The following TCF3 variants were observed in gnomAD, a reference collection of about 807,000 sequenced individuals.
TCF3 encodes the protein transcription factor 3.
TCF3 carries 54 observed loss-of-function variants against 72.3 expected under a neutral mutation model. That is an observed-to-expected ratio of 0.75 (90% CI 0.60 to 0.94). TCF3 has a LOEUF of 0.94. Among genes scored for constraint, TCF3 ranks in the 40% least tolerant of loss-of-function variants. The pLI is 0.00. For missense variants in TCF3, 1,078 were observed against 934.4 expected (o/e 1.15, Z -2.00); for synonymous variants, 525 against 412.6 (o/e 1.27, Z -3.30).
In TCF3 at chr19:1,615,841, AG is replaced by A. The variant is rs1380770902; in HGVS notation, c.1451-21del. On this transcript the variant is annotated intron_variant, in intron 16 of 18. Transcript: ENST00000262965. The surrounding 1 kb of genome is among the most constrained non-coding windows in gnomAD (Gnocchi z 7.3). ...CTAGCCCTGCAACAGGCCTAGGGTC[AG>A]GGGCCTGCGTCGGCCTCCAGGGCCA... 1 of 1,522,050 alleles carries A rather than the reference AG, an allele frequency of 6.6e-7. No individual in the cohort carries two copies. Among genetic ancestry groups the A allele is most frequent in the African/African-American group, 1.4e-5 (1 of 72,336 alleles). 94.3% of individuals were successfully genotyped at this position (1,522,050 alleles called of 1,614,324 possible).
chr19:1,625,887 G>T (rs2062819958), intron 6 of TCF3, among the ~76,000 whole-genome samples, 179 bp from the exon 7 acceptor site: 2 of 152,202 alleles, frequency 1.3e-5, no homozygotes, highest in Non-Finnish European at 2.9e-5. Flanking sequence ...ACTTGAGACT[G>T]ACCGCATCCC....
chr19:1,646,247 C>T, intron 3 of TCF3, 108 bp downstream of exon 3: 1 of 1,221,676 alleles, frequency 8.2e-7, no homozygotes, highest in Non-Finnish European at 1.2e-6. Flanking sequence ...GGCCCTTTCC[C>T]CATTGTCTCC....
chr19:1,612,469 G>C (rs539055629), intron 18 of TCF3: 3 of 1,282,454 alleles, frequency 2.3e-6, no homozygotes, highest in Non-Finnish European at 3.3e-6. Context: ...TTAGTGATGC[G>C]CCAAGGCTGG....
At chr19:1,627,519 AG>A in intron 5 of TCF3, 93 bp from the exon 6 acceptor site, 3 of 1,156,556 alleles carry the variant, frequency 2.6e-6, no homozygotes, top group Non-Finnish European at 3.8e-6. Flanking sequence ...ATAGGCTCTC[AG>A]TAAGTGCACA....
At chr19:1,649,955 T>C (rs572129715) in intron 2 of TCF3, among the ~76,000 whole-genome samples, 1 of 152,216 alleles carries the variant, frequency 6.6e-6, no homozygotes, top group Non-Finnish European at 1.5e-5. Context: ...CAGTAGGCTG[T>C]AGAATGCTGC....
At chr19:1,650,335 G>C in intron 1 of TCF3, 48 bp from the exon 2 acceptor site, 1 of 1,380,384 alleles carries the variant, frequency 7.2e-7, no homozygotes, top group Non-Finnish European at 9.9e-7. Context: ...ACAGGGAGGG[G>C]AGAAGAGTTG....
At chr19:1,611,883 G>C (rs769921951) in intron 18 of TCF3, 34 bp from the exon 19 acceptor site, 6 of 1,411,764 alleles carry the variant, frequency 4.2e-6, no homozygotes, top group Middle Eastern at 2.0e-4. Context: ...GTGGGAGACG[G>C]TCCCAGGGAG....
intron 1 of TCF3, among the ~76,000 whole-genome samples, chr19:1,651,521 G>C (rs954710005): frequency 1.3e-5 from 2 of 152,196 alleles, no homozygotes; most frequent in African/African-American, 2.4e-5. Flanking sequence ...GACTTAGTTG[G>C]GGGGGTGGCG....
intron 18 of TCF3, chr19:1,612,503 G>A: frequency 7.0e-7 from 1 of 1,425,136 alleles, no homozygotes. Flanking sequence ...GCTGGGTTGT[G>A]GAGAGGGTAT....
At chr19:1,622,031 C>A in intron 10 of TCF3, 23 bp downstream of exon 10, 1 of 1,595,636 alleles carries the variant, frequency 6.3e-7, no homozygotes, top group Non-Finnish European at 8.5e-7. Context: ...CGCCCACCCC[C>A]TGCCCCCTGC....
intron 3 of TCF3, among the ~76,000 whole-genome samples, chr19:1,641,502 G>C (rs1480219368): frequency 6.6e-6 from 1 of 152,174 alleles, no homozygotes; most frequent in Non-Finnish European, 1.5e-5. Context: ...CCCGAGGCCA[G>C]AGTGCAGTGG....
chr19:1,634,885 T>G (rs2064187984), intron 3 of TCF3, among the ~76,000 whole-genome samples: 1 of 152,128 alleles, frequency 6.6e-6, no homozygotes. Context: ...AACAGTAGAG[T>G]TGAATCAATT....
chr19:1,625,099 G>T (rs143336891), intron 7 of TCF3, among the ~76,000 whole-genome samples: 1 of 152,168 alleles, frequency 6.6e-6, no homozygotes, highest in Admixed American at 6.5e-5. Flanking sequence ...CTCCTGTCTC[G>T]GCCTCCAGAG....
chr19:1,619,938 AC>A (rs1364880042), intron 13 of TCF3, 85 bp from the exon 14 acceptor site: 18 of 1,184,560 alleles, frequency 1.5e-5, no homozygotes, highest in Non-Finnish European at 2.0e-5. Context: ...TTCATGAACC[AC>A]CCCGCCTGTC....
rs1354214598 is a variant in TCF3, at chr19:1,652,533, T to G, written c.-273A>C. ...GCAGCGGCGTGCGCGGTGCCCGCGG[T>G]GCCCGCCGCCGCGTCGGCTCCGGCC... is the stretch of plus-strand genomic sequence containing the variant. On this transcript the variant is annotated 5_prime_UTR_variant, in exon 1 of 19. Coordinates refer to ENST00000262965, the MANE Select transcript of TCF3 (RefSeq NM_003200.5). 1 of 137,472 alleles carries G rather than the reference T, an allele frequency of 7.3e-6. No homozygotes were observed. The highest frequency in any genetic ancestry group is 1.6e-5 in the Non-Finnish European group (1 of 63,412). 8.5% of individuals were successfully genotyped at this position (137,472 alleles called of 1,614,324 possible).
chr19:1,610,375 C>A lies in TCF3; in HGVS notation c.*1332G>T. The A allele has an allele frequency of 4.4e-6, 1 of 229,706 alleles. No homozygotes were observed. The highest frequency in any genetic ancestry group is 8.6e-6 in the Non-Finnish European group (1 of 115,866). The allele number at this position is 229,706 out of a possible 1,614,324, so 14.2% of individuals were successfully genotyped here. On this transcript the variant is annotated 3_prime_UTR_variant, in exon 19 of 19. Coordinates refer to ENST00000262965, the MANE Select transcript of TCF3 (RefSeq NM_003200.5). ...TGGGGGAGGCTGGCCAGGCCCCTGG[C>A]ATCCTGTCTACGTCACGATGGCCCT...
chr19:1,625,132 C>A (rs2062726769), intron 7 of TCF3, among the ~76,000 whole-genome samples: 1 of 152,254 alleles, frequency 6.6e-6, no homozygotes, highest in Non-Finnish European at 1.5e-5. Flanking sequence ...CAGGTGAGTG[C>A]CGCCATGCCT....
chr19:1,615,052 C>T lies in TCF3; in HGVS notation c.1822+233G>A, dbSNP rs1362599555. Among the ~76,000 whole-genome samples, 1 of 152,162 alleles carries T rather than the reference C, an allele frequency of 6.6e-6. No individual in the cohort carries two copies. Among genetic ancestry groups the T allele is most frequent in the Admixed American group, 6.5e-5 (1 of 15,282 alleles). ...AAGGACTAGGGGTCCAGAAAGAGTCCAGTCCTCCCACTGTGGAGGGGATGC... is the reference window on the plus strand; with the variant it reads ...AAGGACTAGGGGTCCAGAAAGAGTCTAGTCCTCCCACTGTGGAGGGGATGC... On this transcript the variant is annotated intron_variant, in intron 18 of 18. Transcript: ENST00000262965. This position sits in a 1 kb window ranked among gnomAD's most constrained non-coding sequence, Gnocchi z 7.3.
At chr19:1,612,064 G>C in intron 18 of TCF3, 1 of 880,680 alleles carries the variant, frequency 1.1e-6, no homozygotes, top group Non-Finnish European at 1.7e-6. Context: ...GGGGTGTCTG[G>C]GGAACATCAC....
Sources: gnomAD v4.1 joint callset for allele counts (sites outside exome capture counted in the v4.1 genomes callset) on GRCh38, gnomAD v4.1.1 for gene constraint, Gnocchi (gnomAD v3.1) non-coding constraint, MANE v1.5 for transcripts, NCBI Gene and HGNC (gene_info 2026-07-23, HGNC 2026-07-21) for gene names.